Variants in COL5A1 observed in about 807,000 individuals in gnomAD.
The protein encoded by COL5A1 is collagen type V alpha 1 chain, also known as collagen alpha-1(V) chain.
In COL5A1, 16 loss-of-function variants were observed where a neutral mutation model predicts 263.7. The ratio of observed to expected loss-of-function variants is 0.06; its 90% CI spans 0.04 to 0.09. The LOEUF (loss-of-function observed/expected upper bound fraction) is 0.09. Among genes scored for constraint, COL5A1 ranks in the 10% least tolerant of loss-of-function variants. COL5A1 has a pLI of 1.00. For missense variants in COL5A1, 2,036 were observed against 2,540.5 expected (o/e 0.80, Z 4.27); for synonymous variants, 1,012 against 1,004.5 (o/e 1.01, Z -0.14).
intron 20 of COL5A1, 117 bp downstream of exon 20, chr9:134,763,854 A>G: frequency 9.7e-7 from 1 of 1,033,374 alleles, no homozygotes; most frequent in Non-Finnish European, 1.4e-6. Context: ...AGAGAGCTCG[A>G]CCTGAGAACA....
chr9:134,760,751 C>T (rs1836375537), intron 18 of COL5A1, among the ~76,000 whole-genome samples: 1 of 138,142 alleles, frequency 7.2e-6, no homozygotes, highest in Non-Finnish European at 1.5e-5. Context: ...CATGCACACA[C>T]ACCCCACACA....
At position 134,753,846 on chromosome 9, in the gene COL5A1, C is replaced by G; in HGVS notation, c.1720-4C>G. ...AGACATTAACACACACCATGTCTCCCTAGGGTCCCCCTGGGAGCGGAGGTT... is the reference window on the plus strand; with the variant it reads ...AGACATTAACACACACCATGTCTCCGTAGGGTCCCCCTGGGAGCGGAGGTT... On this transcript the variant is annotated splice_polypyrimidine_tract_variant and splice_region_variant and intron_variant, in intron 14 of 65. Coordinates refer to ENST00000371817, the MANE Select transcript of COL5A1 (RefSeq NM_000093.5). The G allele has an allele frequency of 1.9e-6, 3 of 1,612,848 alleles. No individual in the cohort carries two copies. The highest frequency in any genetic ancestry group is 2.5e-6 in the Non-Finnish European group (3 of 1,179,392).
chr9:134,687,882 C>T (rs1419287013), intron 1 of COL5A1, among the ~76,000 whole-genome samples: 3 of 152,180 alleles, frequency 2.0e-5, no homozygotes, highest in African/African-American at 7.2e-5. Context: ...CTCTCACTGG[C>T]CTTGACCCAC....
chr9:134,733,881 T>C (rs985771313), intron 9 of COL5A1, among the ~76,000 whole-genome samples: 1 of 152,236 alleles, frequency 6.6e-6, no homozygotes, highest in Non-Finnish European at 1.5e-5. Context: ...AGGTTGGCCT[T>C]GGGCTTCTTT....
At chr9:134,691,651 C>T (rs1428315189) in intron 2 of COL5A1, 1 of 157,674 alleles carries the variant, frequency 6.3e-6, no homozygotes, top group Non-Finnish European at 1.4e-5. Context: ...TCCCTGTCAC[C>T]CAGTCGTGGG....
chr9:134,755,194 G>A lies in COL5A1; in HGVS notation c.1827+868G>A, dbSNP rs1399669592. Among the ~76,000 whole-genome samples the A allele has an allele frequency of 1.3e-5, 2 of 152,138 alleles. No homozygotes were observed. Among genetic ancestry groups the A allele is most frequent in the Non-Finnish European group, 1.5e-5 (1 of 68,018 alleles). On this transcript the variant is annotated intron_variant, in intron 16 of 65. Transcript: ENST00000371817. The surrounding 1 kb of genome is among the most constrained non-coding windows in gnomAD (Gnocchi z 4.1). ...GGCCTGGGCTGGATAATTCCAGGAG[G>A]ATTAGCAGCTCTGGAATCGACTCTT... is the stretch of plus-strand genomic sequence containing the variant.
intron 1 of COL5A1, among the ~76,000 whole-genome samples, chr9:134,644,075 G>A (rs1478099657): frequency 2.0e-5 from 3 of 152,088 alleles, no homozygotes; most frequent in African/African-American, 2.4e-5. Context: ...TTAGAAGCAT[G>A]TGGAGAGACC....
At chr9:134,726,933 G>T (rs1385776018) in intron 4 of COL5A1, among the ~76,000 whole-genome samples, 1 of 151,644 alleles carries the variant, frequency 6.6e-6, no homozygotes, top group African/African-American at 2.4e-5. Flanking sequence ...ATGGGTGGGT[G>T]AATGGATGGA....
At chr9:134,814,144 T>C in intron 49 of COL5A1, 108 bp downstream of exon 49, 2 of 1,155,224 alleles carry the variant, frequency 1.7e-6, no homozygotes, top group Non-Finnish European at 2.5e-6. Flanking sequence ...ATCCACGAAA[T>C]GGGAGTTGTA....
At chr9:134,836,513 C>CGGGGCCGGCGTT (rs1423912199) in intron 65 of COL5A1, among the ~76,000 whole-genome samples, 2 of 152,202 alleles carry the variant, frequency 1.3e-5, no homozygotes, top group African/African-American at 2.4e-5. Context: ...CTGAGGGGAA[C>CGGGGCCGGCGTT]GGGGCCGGCG....
At chr9:134,730,926 C>T (rs547148589) in intron 7 of COL5A1, among the ~76,000 whole-genome samples, 20 of 152,294 alleles carry the variant, frequency 1.3e-4, no homozygotes, top group Admixed American at 1.2e-3. Context: ...CGGGGGCTGA[C>T]TGTCAGCAGA....
intron 32 of COL5A1, among the ~76,000 whole-genome samples, chr9:134,792,832 C>T (rs539293583): frequency 1.4e-5 from 2 of 139,336 alleles, no homozygotes; most frequent in African/African-American, 2.8e-5. Context: ...TGTGTGTATG[C>T]ATGTGTATGT....
In COL5A1 at chr9:134,721,690, T is replaced by C. The variant is rs538103057; in HGVS notation, c.655-5576T>C. On this transcript the variant is annotated intron_variant, in intron 4 of 65. Coordinates refer to ENST00000371817, the MANE Select transcript of COL5A1 (RefSeq NM_000093.5). ...CATCACAGAGCCCTCTTCTCAGCCC[T>C]GCCTGGAAGGTGGCACAGAAGGAGC... Among the ~76,000 whole-genome samples the C allele has an allele frequency of 1.2e-3, 183 of 152,332 alleles. 2 individuals carry two copies. Among genetic ancestry groups the C allele is most frequent in the African/African-American group, 4.3e-3 (180 of 41,580 alleles).
chr9:134,842,299 G>C lies in COL5A1; in HGVS notation c.5513G>C (p.Gly1838Ala), dbSNP rs373709427. 6.2e-7 allele frequency: 1 copy of C among 1,614,090 alleles called. No homozygotes were observed. The highest frequency in any genetic ancestry group is 1.7e-5 in the Admixed American group (1 of 60,024). Residue 1838 changes from glycine to alanine, a missense_variant, in exon 66 of 66, where the codon GGC becomes GCC. Gly to Ala is a moderately conservative substitution (Grantham distance 60). Transcript: ENST00000371817. This position sits in a 1 kb window ranked among gnomAD's most constrained non-coding sequence, Gnocchi z 5.8. ...GFEVGPACFM[G>A] Reference sequence around the variant, plus strand: ...GAAGTGGGGCCGGCTTGCTTCATGGGCTAGGAGCCGCCGAGCCCGGGCTCC... The same window carrying C: ...GAAGTGGGGCCGGCTTGCTTCATGGCCTAGGAGCCGCCGAGCCCGGGCTCC...
chr9:134,824,552 C>A (rs929097039), intron 61 of COL5A1, 48 bp from the exon 62 acceptor site: 2 of 1,610,340 alleles, frequency 1.2e-6, no homozygotes, highest in Non-Finnish European at 1.7e-6. Flanking sequence ...TATCCTGGGA[C>A]CCTTCCCATC....
intron 4 of COL5A1, among the ~76,000 whole-genome samples, chr9:134,717,027 C>T (rs1293539347): frequency 6.6e-6 from 1 of 152,166 alleles, no homozygotes; most frequent in Admixed American, 6.5e-5. Flanking sequence ...TTATTTAGAC[C>T]TCACTGGCTT....
intron 28 of COL5A1, 131 bp from the exon 29 acceptor site, chr9:134,782,536 G>A (rs748110723): frequency 3.4e-5 from 29 of 862,760 alleles, no homozygotes; most frequent in African/African-American, 8.2e-5. Flanking sequence ...AGCCCACCCC[G>A]TCCGGGCCAT....
Position 134,701,283 on chromosome 9 carries a change from A to G in COL5A1, c.604A>G (p.Asn202Asp). Residue 202 changes from asparagine to aspartate, a missense_variant, in exon 4 of 66, where the codon AAT becomes GAT. Physicochemically the swap from Asn to Asp is conservative, Grantham distance 23. Coordinates refer to ENST00000371817, the MANE Select transcript of COL5A1 (RefSeq NM_000093.5). Reference sequence around the variant, plus strand: ...CAGCGACCACCCCATGATCGACATCAATGGCATCATCGTGTTTGGCACCCG... The same window carrying G: ...CAGCGACCACCCCATGATCGACATCGATGGCATCATCGTGTTTGGCACCCG... ...DRSDHPMIDINGIIVFGTRIL... is the reference protein window; with the variant it reads ...DRSDHPMIDIDGIIVFGTRIL... 6.2e-7 allele frequency: 1 copy of G among 1,613,972 alleles called. No homozygotes were observed. The highest frequency in any genetic ancestry group is 8.5e-7 in the Non-Finnish European group (1 of 1,179,994).
chr9:134,670,542 G>A (rs1832509251), intron 1 of COL5A1, among the ~76,000 whole-genome samples: 1 of 152,184 alleles, frequency 6.6e-6, no homozygotes, highest in Admixed American at 6.5e-5. Context: ...GGGCCCTGGT[G>A]TGATTGTTTC....
Sources: allele counts gnomAD v4.1 joint callset (sites outside exome capture counted in the v4.1 genomes callset), GRCh38; gene constraint gnomAD v4.1.1; non-coding constraint Gnocchi (gnomAD v3.1); transcripts MANE v1.5; gene names NCBI Gene and HGNC (gene_info 2026-07-23, HGNC 2026-07-21).